MAP3K14: variants seen among roughly 807,000 people sequenced by gnomAD.
The protein encoded by MAP3K14 is mitogen-activated protein kinase kinase kinase 14.
In MAP3K14, 16 loss-of-function variants were observed where a neutral mutation model predicts 99.2. The observed-to-expected ratio is 0.16, with a 90% CI of 0.11 to 0.24. The LOEUF is 0.24. Among genes scored for constraint, MAP3K14 ranks in the 10% least tolerant of loss-of-function variants. The pLI is 1.00. For synonymous variants in MAP3K14, 462 were observed against 492.4 expected, an observed-to-expected ratio of 0.94 and a Z score of 0.82; for missense variants, 784 against 1,208.7, an observed-to-expected ratio of 0.65 and a Z score of 5.21.
intron 1 of MAP3K14, among the ~76,000 whole-genome samples, chr17:45,316,558 G>C (rs2044534969): frequency 6.6e-6 from 1 of 152,184 alleles, no homozygotes; most frequent in Non-Finnish European, 1.5e-5. Context: ...AGATGCCAGG[G>C]CGCACTCCTG....
At chr17:45,288,224 AG>A (rs2044283104) in intron 3 of MAP3K14, among the ~76,000 whole-genome samples, 1 of 152,210 alleles carries the variant, frequency 6.6e-6, no homozygotes, top group African/African-American at 2.4e-5. Flanking sequence ...AAAGGCACCC[AG>A]GACAGCAGAA....
chr17:45,295,388 A>T (rs1343168105), intron 1 of MAP3K14, among the ~76,000 whole-genome samples: 1 of 152,154 alleles, frequency 6.6e-6, no homozygotes, highest in Non-Finnish European at 1.5e-5. Context: ...CCCTTCATCC[A>T]CCGAGGACCT....
Position 45,290,597 on chromosome 17 carries a change from A to G in MAP3K14, c.149T>C (p.Val50Ala). The G allele has an allele frequency of 6.2e-7, 1 of 1,613,738 alleles. No homozygotes were observed. Among genetic ancestry groups the G allele is most frequent in the East Asian group, 2.2e-5 (1 of 44,826 alleles). ...YKLEAVEKSP[V>A]FCGKWEILND... is the part of the protein sequence containing the mutation. Reference sequence around the variant, plus strand: ...CAGGATCTCCCACTTTCCGCAGAACACAGGGCTCTTCTCCACGGCCTCAAG... The same window carrying G: ...CAGGATCTCCCACTTTCCGCAGAACGCAGGGCTCTTCTCCACGGCCTCAAG... Residue 50 changes from valine (V) to alanine (A), a missense_variant, in exon 2 of 16, where the codon GTG becomes GCG. Val to Ala is a moderately conservative substitution (Grantham distance 64). Coordinates refer to ENST00000344686, the MANE Select transcript of MAP3K14 (RefSeq NM_003954.5).
At position 45,287,025 on chromosome 17, in the gene MAP3K14, G is replaced by A. The variant is rs369883564; in HGVS notation, c.558C>T (p.Gly186=). ...IPVQEDESPL[G]APYVRNTPQF... ...GCGGGGTGTTTCTAACATATGGGGCGCCGAGTGGAGACTCATCCTCCTGCG... is the reference window on the plus strand; with the variant it reads ...GCGGGGTGTTTCTAACATATGGGGCACCGAGTGGAGACTCATCCTCCTGCG... The change falls in exon 5 of 16, where the codon GGC becomes GGT. Residue 186 remains glycine, a synonymous_variant. Transcript: ENST00000344686. 14 of 1,612,234 alleles carry A rather than the reference G, an allele frequency of 8.7e-6. No homozygotes were observed. Among genetic ancestry groups the A allele is most frequent in the Middle Eastern group, 1.6e-4 (1 of 6,082 alleles).
chr17:45,275,431 C>A (rs543168974), intron 6 of MAP3K14, among the ~76,000 whole-genome samples: 4 of 148,558 alleles, frequency 2.7e-5, no homozygotes, highest in African/African-American at 7.5e-5. Context: ...TCGCAATAAG[C>A]CGAGGTCGCA....
rs759194750 is a variant in MAP3K14 at position 45,271,023 on chromosome 17, T to A, written c.1821+35A>T. 9 of 1,601,768 alleles carry A rather than the reference T, an allele frequency of 5.6e-6. No homozygotes were observed. The East Asian group carries it at 2.0e-4, about 36-fold the overall frequency. On this transcript the variant is annotated intron_variant, in intron 10 of 15. Coordinates refer to ENST00000344686, the MANE Select transcript of MAP3K14 (RefSeq NM_003954.5). The stretch of plus-strand genomic sequence containing the variant: ...AGCCTGGGCCCCAGGGCCCTGCAGC[T>A]CCCCCTGTTGGCCATGCTGGGTGCC...
chr17:45,301,261 T>C (rs2143852976), intron 1 of MAP3K14, among the ~76,000 whole-genome samples: 1 of 151,804 alleles, frequency 6.6e-6, no homozygotes, highest in South Asian at 2.1e-4. Flanking sequence ...GTCAGGAGTT[T>C]GAGACCAGCC....
chr17:45,299,880 A>G (rs954080783), intron 1 of MAP3K14, among the ~76,000 whole-genome samples: 1 of 152,220 alleles, frequency 6.6e-6, no homozygotes, highest in African/African-American at 2.4e-5. Context: ...AGTTGAGGTC[A>G]GGAGTTCAAG....
At chr17:45,303,827 C>A (rs1378683534) in intron 1 of MAP3K14, among the ~76,000 whole-genome samples, 2 of 151,256 alleles carry the variant, frequency 1.3e-5, no homozygotes, top group South Asian at 2.1e-4. Context: ...CGTGATCCAG[C>A]CGCCTCGGCC....
At chr17:45,296,821 ATGTC>A in intron 1 of MAP3K14, among the ~76,000 whole-genome samples, 1 of 152,246 alleles carries the variant, frequency 6.6e-6, no homozygotes, top group Non-Finnish European at 1.5e-5. Context: ...TCCCTTATCA[ATGTC>A]TGCCCAGATC....
chr17:45,313,022 G>T (rs142660808), intron 1 of MAP3K14, among the ~76,000 whole-genome samples: 1 of 152,294 alleles, frequency 6.6e-6, no homozygotes, highest in East Asian at 1.9e-4. Flanking sequence ...TGTGTCTCCA[G>T]CTCAGAGTTA....
chr17:45,314,508 A>G (rs2044513206), intron 1 of MAP3K14, among the ~76,000 whole-genome samples: 1 of 152,194 alleles, frequency 6.6e-6, no homozygotes. Flanking sequence ...AGATGTTTCC[A>G]GTTTAACTGA....
intron 11 of MAP3K14, 108 bp downstream of exon 11, chr17:45,270,305 G>A (rs2044132419): frequency 1.5e-6 from 2 of 1,353,914 alleles, no homozygotes; most frequent in Middle Eastern, 2.7e-4. Context: ...TCCAGAGGGG[G>A]AAACTAAGGC....
intron 1 of MAP3K14, among the ~76,000 whole-genome samples, chr17:45,299,245 G>T (rs2044368845): frequency 1.3e-5 from 2 of 152,128 alleles, no homozygotes; most frequent in South Asian, 4.1e-4. Context: ...GATGGCAGAA[G>T]CTGCAGAGTA....
At chr17:45,314,809 AG>A (rs1426083961) in intron 1 of MAP3K14, among the ~76,000 whole-genome samples, 1 of 152,200 alleles carries the variant, frequency 6.6e-6, no homozygotes, top group Non-Finnish European at 1.5e-5. Flanking sequence ...CGAGGCAGGC[AG>A]GCTTGTTAGG....
At position 45,286,596 on chromosome 17, in the gene MAP3K14, C is replaced by T; in HGVS notation, c.987G>A (p.Glu329=). 3 of 1,611,458 alleles carry T rather than the reference C, an allele frequency of 1.9e-6. No individual in the cohort carries two copies. Among genetic ancestry groups the T allele is most frequent in the Non-Finnish European group, 2.5e-6 (3 of 1,178,958 alleles). The change falls in exon 5 of 16, where the codon GAG becomes GAA. Residue 329 remains glutamate, a synonymous_variant. Coordinates refer to ENST00000344686, the MANE Select transcript of MAP3K14 (RefSeq NM_003954.5). This position sits in a 1 kb window ranked among gnomAD's most constrained non-coding sequence, Gnocchi z 4.1. The part of the protein sequence containing the change: ...EPSCLSRGAH[E]KFSVEEYLVH... ...CTAGGTATTCCTCCACAGAAAACTT[C>T]TCATGGGCACCACGAGACAGGCAGC...
intron 3 of MAP3K14, among the ~76,000 whole-genome samples, 152 bp from the exon 4 acceptor site, chr17:45,287,516 G>GA (rs35925831): frequency 0.052 from 7,989 of 152,228 alleles, 240 homozygotes; most frequent in East Asian, 0.099. Flanking sequence ...AAATCCCAAG[G>GA]AACCTGTTTT....
chr17:45,274,939 C>A (rs2143793079), intron 6 of MAP3K14, among the ~76,000 whole-genome samples: 1 of 150,736 alleles, frequency 6.6e-6, no homozygotes, highest in Non-Finnish European at 1.5e-5. Flanking sequence ...AGATCGAGAC[C>A]ATCCTGGCTA....
At chr17:45,271,823 C>T (rs1048055447) in intron 9 of MAP3K14, among the ~76,000 whole-genome samples, 1 of 152,066 alleles carries the variant, frequency 6.6e-6, no homozygotes, top group African/African-American at 2.4e-5. Context: ...CTGGACATTA[C>T]AAATTAGGTT....
Sources: gnomAD v4.1 joint callset for allele counts (sites outside exome capture counted in the v4.1 genomes callset) on GRCh38, gnomAD v4.1.1 for gene constraint, Gnocchi (gnomAD v3.1) non-coding constraint, MANE v1.5 for transcripts, NCBI Gene and HGNC (gene_info 2026-07-23, HGNC 2026-07-21) for gene names.